Variants in GPBP1 observed in about 807,000 individuals in gnomAD.
The protein encoded by GPBP1 is vasculin.
GPBP1 carries 13 observed loss-of-function variants against 56.5 expected under a neutral mutation model. The observed-to-expected ratio is 0.23, with a 90% CI of 0.15 to 0.37. The LOEUF (loss-of-function observed/expected upper bound fraction) is 0.37. GPBP1 is among the 10% of genes least tolerant of loss of function. The pLI, the probability that GPBP1 is intolerant of heterozygous loss-of-function variation, is 1.00. For synonymous variants in GPBP1, 204 were observed against 188.9 expected (o/e 1.08, Z -0.66); for missense variants, 477 against 572.3 (o/e 0.83, Z 1.70).
At chr5:57,236,468 T>C (rs909527663) in intron 6 of GPBP1, among the ~76,000 whole-genome samples, 1 of 152,192 alleles carries the variant, frequency 6.6e-6, no homozygotes, top group Non-Finnish European at 1.5e-5. Flanking sequence ...TATATATATA[T>C]ACACATATAT....
chr5:57,211,354 T>C (rs188027144), intron 2 of GPBP1, among the ~76,000 whole-genome samples: 1 of 151,904 alleles, frequency 6.6e-6, no homozygotes, highest in Admixed American at 6.6e-5. Context: ...ACTCAGCCGG[T>C]TTTTAAAATT....
intron 3 of GPBP1, among the ~76,000 whole-genome samples, chr5:57,229,504 CCTT>C (rs1222283199): frequency 6.8e-6 from 1 of 146,106 alleles, no homozygotes; most frequent in African/African-American, 2.5e-5. Context: ...TTTCCTTTTT[CCTT>C]TTTCTTTCTC....
chr5:57,216,942 G>A (rs538466142), intron 3 of GPBP1, among the ~76,000 whole-genome samples: 13 of 151,128 alleles, frequency 8.6e-5, no homozygotes, highest in African/African-American at 2.9e-4. Context: ...TTGCAATATC[G>A]TTATATATTA....
intron 2 of GPBP1, among the ~76,000 whole-genome samples, chr5:57,203,285 CAA>C (rs1561335687): frequency 6.6e-6 from 1 of 152,022 alleles, no homozygotes; most frequent in East Asian, 1.9e-4. Flanking sequence ...AATAATTTAA[CAA>C]ATAGAGTAAT....
chr5:57,215,492 T>C (rs1755663378), intron 3 of GPBP1, among the ~76,000 whole-genome samples: 1 of 152,264 alleles, frequency 6.6e-6, no homozygotes, highest in Non-Finnish European at 1.5e-5. Context: ...CTGAAGGGCC[T>C]AAATTTGATC....
intron 8 of GPBP1, among the ~76,000 whole-genome samples, chr5:57,248,441 T>C: frequency 7.8e-6 from 1 of 128,526 alleles, no homozygotes; most frequent in Non-Finnish European, 1.8e-5. Flanking sequence ...TTTTTTTTTT[T>C]TTTTGAGACG....
rs748619262 is a variant in GPBP1 at position 57,247,195 on chromosome 5, T to C, written c.784T>C (p.Ser262Pro). ...FKSTAKNFSP[S>P]TNSVKECNRS... ...ATCAACTGCCAAGAACTTTAGTCCA[T>C]CTACAAATTCAGTGAAAGAGGTATG... Residue 262 changes from serine (S) to proline (P), a missense_variant, in exon 8 of 12, where the codon TCT (serine) becomes CCT (proline). Physicochemically the swap from Ser to Pro is moderately conservative, Grantham distance 74. This residue lies in a region of GPBP1 where 414 missense variants were observed against 458.2 expected (regional missense o/e 0.90). Transcript: ENST00000506184. The C allele has an allele frequency of 6.2e-7, 1 of 1,612,812 alleles. No individual in the cohort carries two copies. The highest frequency in any genetic ancestry group is 1.7e-5 in the Admixed American group (1 of 59,770).
intron 6 of GPBP1, among the ~76,000 whole-genome samples, chr5:57,244,803 G>A (rs1275510211): frequency 2.9e-5 from 4 of 138,460 alleles, no homozygotes; most frequent in East Asian, 2.2e-4. Context: ...GCGTGATCTC[G>A]GCTTACTGCA....
intron 2 of GPBP1, among the ~76,000 whole-genome samples, chr5:57,181,434 CAAAA>C (rs11417693): frequency 1.5e-5 from 2 of 131,934 alleles, no homozygotes; most frequent in East Asian, 2.4e-4. Flanking sequence ...AAGACTGTGT[CAAAA>C]AAAAAAAAAA....
intron 2 of GPBP1, among the ~76,000 whole-genome samples, chr5:57,185,039 A>G (rs1318372672): frequency 1.3e-5 from 2 of 152,174 alleles, no homozygotes; most frequent in Non-Finnish European, 2.9e-5. Flanking sequence ...GTTCAGAGAC[A>G]TTTTGTTTGT....
chr5:57,215,008 A>T (rs188958802), intron 3 of GPBP1, among the ~76,000 whole-genome samples: 1 of 152,326 alleles, frequency 6.6e-6, no homozygotes, highest in African/African-American at 2.4e-5. Flanking sequence ...ATCAGCGTAC[A>T]CTAAGCCATT....
intron 2 of GPBP1, among the ~76,000 whole-genome samples, chr5:57,176,885 C>T (rs1482878110): frequency 6.6e-6 from 1 of 152,162 alleles, no homozygotes; most frequent in South Asian, 2.1e-4. Flanking sequence ...GGTTATATTA[C>T]AGGTAGTAGT....
At chr5:57,180,235 C>G (rs1561318030) in intron 2 of GPBP1, among the ~76,000 whole-genome samples, 1 of 152,172 alleles carries the variant, frequency 6.6e-6, no homozygotes, top group East Asian at 1.9e-4. Flanking sequence ...ATGCCTCAGC[C>G]TCCCAAGTAG....
chr5:57,244,946 C>A (rs2111914261), intron 6 of GPBP1, among the ~76,000 whole-genome samples: 1 of 152,194 alleles, frequency 6.6e-6, no homozygotes, highest in Non-Finnish European at 1.5e-5. Context: ...CCATGTTGGC[C>A]AGGCTGTTCT....
chr5:57,246,634 T>A, intron 7 of GPBP1, 150 bp downstream of exon 7: 1 of 580,682 alleles, frequency 1.7e-6, no homozygotes, highest in Non-Finnish European at 3.0e-6. Context: ...TATGTGCTCT[T>A]AATTATCTTT....
intron 2 of GPBP1, among the ~76,000 whole-genome samples, chr5:57,199,418 C>G (rs145154998): frequency 4.9e-4 from 75 of 152,136 alleles, no homozygotes; most frequent in African/African-American, 1.3e-3. Context: ...ACAGGGGAAA[C>G]CAGTAATGTG....
chr5:57,229,775 G>A (rs1355321460), intron 3 of GPBP1, among the ~76,000 whole-genome samples: 2 of 152,034 alleles, frequency 1.3e-5, no homozygotes, highest in African/African-American at 4.8e-5. Flanking sequence ...CTGACCTCAG[G>A]TGATCTGCCC....
chr5:57,253,806 C>T (rs190984672), intron 10 of GPBP1, among the ~76,000 whole-genome samples: 29 of 152,308 alleles, frequency 1.9e-4, no homozygotes, highest in Admixed American at 9.8e-4. Flanking sequence ...TAGAGATGAG[C>T]TCTCACTGTG....
chr5:57,237,186 T>C (rs1484667223), intron 6 of GPBP1: 9 of 1,522,758 alleles, frequency 5.9e-6, no homozygotes, highest in African/African-American at 1.4e-5. Flanking sequence ...TGTTTCCTTA[T>C]TATTCAGTTT....
Sources: allele counts gnomAD v4.1 joint callset (sites outside exome capture counted in the v4.1 genomes callset), GRCh38; gene constraint gnomAD v4.1.1; regional missense constraint gnomAD v4.1.1; transcripts MANE v1.5; gene names NCBI Gene and HGNC (gene_info 2026-07-23, HGNC 2026-07-21).